Variants in COPS8 observed in about 807,000 individuals in gnomAD.
COPS8 encodes the protein COP9 signalosome complex subunit 8.
A neutral mutation model predicts 31.5 loss-of-function variants in COPS8; 11 were observed. The observed-to-expected ratio is 0.35, with a 90% CI of 0.22 to 0.58. COPS8 has a LOEUF of 0.58. Among genes scored for constraint, COPS8 ranks in the 20% least tolerant of loss-of-function variants. The pLI is 0.83. For synonymous variants in COPS8, 81 were observed against 89.3 expected, an observed-to-expected ratio of 0.91 and a Z score of 0.52; for missense variants, 215 against 255.1, an observed-to-expected ratio of 0.84 and a Z score of 1.07.
At chr2:237,086,773 C>CGAA in intron 1 of COPS8, 1 of 982,410 alleles carries the variant, frequency 1.0e-6, no homozygotes, top group Non-Finnish European at 1.2e-6. Context: ...CTTCAGGAAT[C>CGAA]TGTCGAATTT....
chr2:237,092,726 A>G (rs1696728456), intron 4 of COPS8, among the ~76,000 whole-genome samples: 1 of 152,174 alleles, frequency 6.6e-6, no homozygotes, highest in African/African-American at 2.4e-5. Flanking sequence ...CACAGAAGGA[A>G]GAGCAGACAG....
At chr2:237,096,770 T>C in intron 6 of COPS8, 52 bp from the exon 7 acceptor site, 1 of 1,401,448 alleles carries the variant, frequency 7.1e-7, no homozygotes, top group Admixed American at 1.7e-5. Context: ...CTATGAAAGA[T>C]CTTTACAATG....
At chr2:237,090,089 T>C (rs188521797) in intron 4 of COPS8, 95 bp downstream of exon 4, 1 of 1,244,438 alleles carries the variant, frequency 8.0e-7, no homozygotes, top group East Asian at 2.7e-5. Flanking sequence ...TGTGTTTAAG[T>C]AGATATTTTT....
intron 5 of COPS8, 33 bp from the exon 6 acceptor site, chr2:237,095,789 T>C (rs1696788825): frequency 1.4e-6 from 2 of 1,471,364 alleles, no homozygotes; most frequent in African/African-American, 2.8e-5. Context: ...GTTTTATTCT[T>C]TCCGGATCTT....
intron 2 of COPS8, among the ~76,000 whole-genome samples, chr2:237,088,232 C>G (rs1358478726): frequency 1.3e-5 from 2 of 152,124 alleles, no homozygotes; most frequent in African/African-American, 4.8e-5. Context: ...GTGTACCAGG[C>G]TTATTGTCAG....
At chr2:237,096,229 T>C (rs1455365412) in intron 6 of COPS8, among the ~76,000 whole-genome samples, 2 of 152,210 alleles carry the variant, frequency 1.3e-5, no homozygotes, top group African/African-American at 4.8e-5. Context: ...TGTTTAAATA[T>C]TCAACTGCCC....
chr2:237,090,039 T>C, intron 4 of COPS8, 45 bp downstream of exon 4: 2 of 1,590,426 alleles, frequency 1.3e-6, no homozygotes, highest in Non-Finnish European at 1.7e-6. Context: ...TGAGACTTAG[T>C]CCCTAAGTGC....
chr2:237,091,961 A>G (rs1251121371), intron 4 of COPS8, among the ~76,000 whole-genome samples: 1 of 152,134 alleles, frequency 6.6e-6, no homozygotes, highest in East Asian at 1.9e-4. Context: ...TTGGCGGCCA[A>G]CCTCCCTGGC....
intron 7 of COPS8, among the ~76,000 whole-genome samples, 177 bp downstream of exon 7, chr2:237,097,046 C>G (rs1344428606): frequency 6.6e-6 from 1 of 152,186 alleles, no homozygotes; most frequent in Non-Finnish European, 1.5e-5. Flanking sequence ...TGGGCTCCCC[C>G]AGAGCTTGCC....
chr2:237,086,766 C>T, intron 1 of COPS8: 1 of 984,304 alleles, frequency 1.0e-6, no homozygotes, highest in African/African-American at 1.7e-5. Flanking sequence ...CAGAATGCTT[C>T]AGGAATCTGT....
At position 237,099,410 on chromosome 2, in the gene COPS8, A is replaced by G. The variant is rs1419977645; in HGVS notation, c.*1668A>G. ...AAAATAATCTCAAGTGATCAAACACAATATTTCAATTTTACATTGTCAGTG... is the reference window on the plus strand; with the variant it reads ...AAAATAATCTCAAGTGATCAAACACGATATTTCAATTTTACATTGTCAGTG... On this transcript the variant is annotated 3_prime_UTR_variant, in exon 8 of 8. Coordinates refer to ENST00000354371, the MANE Select transcript of COPS8 (RefSeq NM_006710.5). 6.6e-6 allele frequency: 1 copy of G among 152,214 alleles called. No individual in the cohort carries two copies. The highest frequency in any genetic ancestry group is 1.5e-5 in the Non-Finnish European group (1 of 68,014). The allele number at this position is 152,214 out of a possible 1,614,324, so 9.4% of individuals were successfully genotyped here.
chr2:237,099,109 TA>T lies in COPS8; in HGVS notation c.*1368del, dbSNP rs1374141814. 4 of 152,144 alleles carry T rather than the reference TA, an allele frequency of 2.6e-5. No homozygotes were observed. Among genetic ancestry groups the T allele is most frequent in the Non-Finnish European group, 5.9e-5 (4 of 67,996 alleles). The allele number at this position is 152,144 out of a possible 1,614,324, so 9.4% of individuals were successfully genotyped here. On this transcript the variant is annotated 3_prime_UTR_variant, in exon 8 of 8. Transcript: ENST00000354371. ...TAGAGTCAATCCAAATATTCATTAA[TA>T]GGGGATTGTTTGAATAAACAGCAGT...
chr2:237,091,441 T>C (rs1455420414), intron 4 of COPS8, among the ~76,000 whole-genome samples: 2 of 152,238 alleles, frequency 1.3e-5, no homozygotes, highest in Non-Finnish European at 2.9e-5. Flanking sequence ...ACAGTATTCC[T>C]GAACATATCC....
chr2:237,099,195 G>C lies in COPS8; in HGVS notation c.*1453G>C, dbSNP rs1284903971. 1.7e-4 allele frequency: 26 copies of C among 152,188 alleles called. No individual in the cohort carries two copies. Among genetic ancestry groups the C allele is most frequent in the Admixed American group, 1.7e-3 (26 of 15,278 alleles). 9.4% of individuals were successfully genotyped at this position (152,188 alleles called of 1,614,324 possible). A position where few individuals can be genotyped will look rare whatever the true frequency, so the allele number is the denominator to read the frequency against. ...CTATACTAAACTGGAATGATCTCCAGAGTGAGAACATAGAAAGCACATGTA... is the reference window on the plus strand; with the variant it reads ...CTATACTAAACTGGAATGATCTCCACAGTGAGAACATAGAAAGCACATGTA... On this transcript the variant is annotated 3_prime_UTR_variant, in exon 8 of 8. Coordinates refer to ENST00000354371, the MANE Select transcript of COPS8 (RefSeq NM_006710.5).
At chr2:237,086,247 A>T (rs1385164797) in intron 1 of COPS8, among the ~76,000 whole-genome samples, 1 of 151,988 alleles carries the variant, frequency 6.6e-6, no homozygotes, top group Non-Finnish European at 1.5e-5. Context: ...CCTTTTTGTT[A>T]TGTGTCTTCA....
chr2:237,091,533 A>T (rs937165265), intron 4 of COPS8, among the ~76,000 whole-genome samples: 1 of 152,202 alleles, frequency 6.6e-6, no homozygotes, highest in African/African-American at 2.4e-5. Context: ...ATAGTCTCTT[A>T]ACAGATTGGT....
intron 7 of COPS8, among the ~76,000 whole-genome samples, chr2:237,097,194 G>A (rs965283801): frequency 7.6e-6 from 1 of 131,418 alleles, no homozygotes; most frequent in Admixed American, 7.5e-5. Flanking sequence ...ATGTTGGAAT[G>A]TAAATTCCTT....
At chr2:237,093,787 A>G (rs1696747784) in intron 4 of COPS8, 3 of 1,031,182 alleles carry the variant, frequency 2.9e-6, no homozygotes, top group Admixed American at 5.6e-5. Context: ...CCCATTGCAT[A>G]AACATACTGC....
In COPS8 at chr2:237,094,517, C is replaced by G. The variant is rs116773532; in HGVS notation, c.439+320C>G. 7.8e-3 allele frequency among the ~76,000 whole-genome samples: 1,185 copies of G among 152,090 alleles called. 13 individuals are homozygous for G. Among genetic ancestry groups the G allele is most frequent in the African/African-American group, 0.026 (1,097 of 41,446 alleles). ...GATAAAGGCAGCATCATCCCCACGT[C>G]CCTTTTCATTTTCCCTGCCATTTCT... On this transcript the variant is annotated intron_variant, in intron 5 of 7. Transcript: ENST00000354371.
Sources: gnomAD v4.1 joint callset for allele counts (sites outside exome capture counted in the v4.1 genomes callset) on GRCh38, gnomAD v4.1.1 for gene constraint, MANE v1.5 for transcripts, NCBI Gene and HGNC (gene_info 2026-07-23, HGNC 2026-07-21) for gene names.